The following SOX6 variants were observed in gnomAD, a reference collection of about 807,000 sequenced individuals.
SOX6 encodes the protein SRY-box transcription factor 6, also known as transcription factor SOX-6.
In SOX6, 11 loss-of-function variants were observed where a neutral mutation model predicts 97.8. The observed-to-expected ratio is 0.11, with a 90% confidence interval of 0.07 to 0.19. The LOEUF (loss-of-function observed/expected upper bound fraction) is 0.19. Ranked by LOEUF, SOX6 falls within the 10% of genes least tolerant of loss-of-function variation. SOX6 has a pLI of 1.00. For synonymous variants in SOX6, 360 were observed against 371.4 expected (o/e 0.97, Z 0.35); for missense variants, 810 against 1,039.5 (o/e 0.78, Z 3.04).
rs777794027 is a variant in SOX6 at position 16,613,625 on chromosome 11, G to C, written n.430-1365C>G. Among the ~76,000 whole-genome samples, 1 of 151,876 alleles carries C rather than the reference G, an allele frequency of 6.6e-6. No homozygotes were observed. The highest frequency in any genetic ancestry group is 1.5e-5 in the Non-Finnish European group (1 of 67,964). On this transcript the variant is annotated intron_variant and non_coding_transcript_variant, in intron 3 of 5. Transcript: ENST00000524520. This position sits in a 1 kb window ranked among gnomAD's most constrained non-coding sequence, Gnocchi z 4.6. ...CCTCCACGCGCGCGCGCGGACCCAC[G>C]AGCACACACACACGCACGCACACAC...
upstream of SOX6, among the ~76,000 whole-genome samples, chr11:16,360,986 GAGC>G (rs992824070): frequency 6.8e-6 from 1 of 146,678 alleles, no homozygotes; most frequent in African/African-American, 2.6e-5. Flanking sequence ...CTGGGCAAAA[GAGC>G]AAGACTCCAT....
At chr11:16,439,447 T>C (rs1859458890) in intron 1 of SOX6, among the ~76,000 whole-genome samples, 1 of 152,182 alleles carries the variant, frequency 6.6e-6, no homozygotes, top group Admixed American at 6.5e-5. Flanking sequence ...ACACAAATGA[T>C]TGATCTAATT....
intron 3 of SOX6, among the ~76,000 whole-genome samples, chr11:16,617,776 C>T (rs1220056359): frequency 6.6e-6 from 1 of 151,746 alleles, no homozygotes; most frequent in Non-Finnish European, 1.5e-5. Context: ...ATAAAGATTA[C>T]AAAACATTTT....
intron 3 of SOX6, among the ~76,000 whole-genome samples, chr11:16,258,459 G>A (rs1048057046): frequency 2.0e-5 from 3 of 151,950 alleles, no homozygotes; most frequent in Admixed American, 2.0e-4. Flanking sequence ...ATCTCATAAA[G>A]CTATTATGCA....
At chr11:16,672,556 G>C (rs994171055) in intron 3 of SOX6, among the ~76,000 whole-genome samples, 2 of 152,160 alleles carry the variant, frequency 1.3e-5, no homozygotes, top group Admixed American at 1.3e-4. Context: ...AAGAGAAACT[G>C]TGCAGGGAAA....
At chr11:16,089,458 T>A (rs759807767) in intron 9 of SOX6, among the ~76,000 whole-genome samples, 1 of 152,122 alleles carries the variant, frequency 6.6e-6, no homozygotes, top group Non-Finnish European at 1.5e-5. Context: ...TATTTACATA[T>A]AATTGAGAAA....
intron 4 of SOX6, among the ~76,000 whole-genome samples, chr11:16,496,285 A>G (rs1440988248): frequency 6.6e-6 from 1 of 150,480 alleles, no homozygotes; most frequent in Non-Finnish European, 1.5e-5. Flanking sequence ...ATGATATTAC[A>G]GAAGATCAAT....
At chr11:16,283,051 T>C (rs1182025078) in intron 3 of SOX6, among the ~76,000 whole-genome samples, 3 of 141,902 alleles carry the variant, frequency 2.1e-5, no homozygotes, top group South Asian at 2.2e-4. Flanking sequence ...ATGTAAATTA[T>C]ATATAATTTG....
At chr11:16,021,142 T>A (rs531556127) in intron 12 of SOX6, among the ~76,000 whole-genome samples, 32 of 152,302 alleles carry the variant, frequency 2.1e-4, no homozygotes, top group African/African-American at 7.0e-4. Flanking sequence ...ATACAATCCA[T>A]CTTTGTGAAG....
chr11:16,274,811 C>G (rs1854349631), intron 3 of SOX6, among the ~76,000 whole-genome samples: 2 of 152,132 alleles, frequency 1.3e-5, no homozygotes, highest in South Asian at 4.1e-4. Flanking sequence ...GAAATCTCAA[C>G]TAAGAGATTT....
chr11:16,667,061 A>G (rs1203352794), intron 3 of SOX6, among the ~76,000 whole-genome samples: 2 of 122,542 alleles, frequency 1.6e-5, no homozygotes, highest in Non-Finnish European at 3.5e-5. Flanking sequence ...TCTACCAAAA[A>G]ATTAAAAAAA....
chr11:16,633,998 G>C (rs1302174629), intron 3 of SOX6, among the ~76,000 whole-genome samples: 3 of 152,092 alleles, frequency 2.0e-5, no homozygotes, highest in African/African-American at 7.2e-5. Context: ...TGAAGAATCA[G>C]GAAAATGTGA....
rs560045684 is a variant in SOX6, at chr11:16,475,828, A to C, written c.-5+487T>G. ...AAATCTGCAAAGCACAATAAAACAA[A>C]GTGCAATAAAACGAGGTATGCCTGT... On this transcript the variant is annotated intron_variant, in intron 1 of 15. Coordinates refer to the SOX6 transcript ENST00000396356. 9.2e-5 allele frequency among the ~76,000 whole-genome samples: 14 copies of C among 152,296 alleles called. No homozygotes were observed. In the South Asian group the frequency reaches 2.9e-3, roughly 32 times the overall value.
rs140780223 is a variant in SOX6 at position 16,459,108 on chromosome 11, A to G, written c.-5+17207T>C. Among the ~76,000 whole-genome samples, 195 of 152,114 alleles carry G rather than the reference A, an allele frequency of 1.3e-3. 3 individuals are homozygous for G. The highest frequency in any genetic ancestry group is 0.012 in the Admixed American group (184 of 15,250). Reference sequence around the variant, plus strand: ...AAAAGGAACAGAAGGAACAAACCCCAGAGCTCATCCAAGGCCAGGAATAGG... The same window carrying G: ...AAAAGGAACAGAAGGAACAAACCCCGGAGCTCATCCAAGGCCAGGAATAGG... On this transcript the variant is annotated intron_variant, in intron 1 of 15. Transcript: ENST00000396356.
At chr11:16,574,175 A>T (rs2133200821) in intron 4 of SOX6, among the ~76,000 whole-genome samples, 1 of 152,298 alleles carries the variant, frequency 6.6e-6, no homozygotes, top group African/African-American at 2.4e-5. Context: ...AGGGCCAAGA[A>T]GTATCAAGAC....
chr11:16,693,715 C>G (rs539288521), intron 3 of SOX6, among the ~76,000 whole-genome samples: 2 of 152,176 alleles, frequency 1.3e-5, no homozygotes, highest in East Asian at 3.9e-4. Context: ...TGTAATGGTT[C>G]CCAATATTAA....
At chr11:16,368,546 G>C (rs1204333950) in intron 1 of SOX6, among the ~76,000 whole-genome samples, 1 of 152,052 alleles carries the variant, frequency 6.6e-6, no homozygotes, top group Non-Finnish European at 1.5e-5. Context: ...TTGGAAAACT[G>C]TATATCTACC....
intron 7 of SOX6, among the ~76,000 whole-genome samples, chr11:16,099,148 T>G (rs541905085): frequency 1.3e-5 from 2 of 151,942 alleles, no homozygotes; most frequent in African/African-American, 4.8e-5. Flanking sequence ...TAACATTATA[T>G]TGTGCTGGTC....
intron 4 of SOX6, among the ~76,000 whole-genome samples, chr11:16,587,428 C>T (rs889280128): frequency 1.3e-5 from 2 of 152,066 alleles, no homozygotes; most frequent in African/African-American, 4.8e-5. Flanking sequence ...AAGTACTGTT[C>T]CAAGTGTATT....
Sources: gnomAD v4.1 joint callset for allele counts (sites outside exome capture counted in the v4.1 genomes callset) on GRCh38, gnomAD v4.1.1 for gene constraint, Gnocchi (gnomAD v3.1) non-coding constraint, MANE v1.5 for transcripts, NCBI Gene and HGNC (gene_info 2026-07-23, HGNC 2026-07-21) for gene names.